Variants in CNTNAP5 observed in about 807,000 individuals in gnomAD.
The protein encoded by CNTNAP5 is contactin associated protein family member 5.
In CNTNAP5, 72 loss-of-function variants were observed where a neutral mutation model predicts 150.2. The ratio of observed to expected loss-of-function variants is 0.48; its 90% CI spans 0.40 to 0.58. The LOEUF is 0.58. Among genes scored for constraint, CNTNAP5 ranks in the 20% least tolerant of loss-of-function variants. The pLI, the probability that CNTNAP5 is intolerant of heterozygous loss-of-function variation, is 0.00. For missense variants in CNTNAP5, 1,636 were observed against 1,626.2 expected, an observed-to-expected ratio of 1.01 and a Z score of -0.10; for synonymous variants, 672 against 619.8, an observed-to-expected ratio of 1.08 and a Z score of -1.25.
intron 1 of CNTNAP5, among the ~76,000 whole-genome samples, chr2:124,091,457 C>T (rs1454736130): frequency 6.6e-6 from 1 of 152,124 alleles, no homozygotes; most frequent in Non-Finnish European, 1.5e-5. Context: ...GGCAAAGAAG[C>T]TTGCAGTCGT....
Position 124,807,533 on chromosome 2 carries a change from T to A in CNTNAP5, c.3217+9213T>A, listed in dbSNP as rs144257138. On this transcript the variant is annotated intron_variant, in intron 19 of 23. Transcript: ENST00000682447. ...CACACAATGACTATGGAGTCGGTACTAGTATTTCCCTATTTTACAGACAAG... is the reference window on the plus strand; with the variant it reads ...CACACAATGACTATGGAGTCGGTACAAGTATTTCCCTATTTTACAGACAAG... Among the ~76,000 whole-genome samples, 487 of 152,342 alleles carry A rather than the reference T, an allele frequency of 3.2e-3. 9 individuals carry two copies. Among genetic ancestry groups the A allele is most frequent in the Admixed American group, 0.029 (448 of 15,300 alleles).
chr2:124,490,894 A>T (rs1043361176), intron 7 of CNTNAP5, among the ~76,000 whole-genome samples: 5 of 152,132 alleles, frequency 3.3e-5, no homozygotes, highest in African/African-American at 1.2e-4. Flanking sequence ...TACTGCTACT[A>T]GAAAATTTTA....
At chr2:124,781,387 G>A (rs994605947) in intron 17 of CNTNAP5, among the ~76,000 whole-genome samples, 1 of 152,172 alleles carries the variant, frequency 6.6e-6, no homozygotes, top group South Asian at 2.1e-4. Flanking sequence ...TTTCTCTTAC[G>A]TTGTGTAAGT....
At chr2:124,450,556 CAAAAAAAAAA>C (rs11299541) in intron 6 of CNTNAP5, among the ~76,000 whole-genome samples, 2 of 65,000 alleles carry the variant, frequency 3.1e-5, no homozygotes, top group Admixed American at 1.9e-4. Context: ...AATCTGCTGT[CAAAAAAAAAA>C]AAAAAAAAAA....
At chr2:124,080,969 A>G (rs907607832) in intron 1 of CNTNAP5, among the ~76,000 whole-genome samples, 1 of 152,174 alleles carries the variant, frequency 6.6e-6, no homozygotes, top group African/African-American at 2.4e-5. Context: ...GATTCTAGTG[A>G]TAAGTAGTCA....
At chr2:124,339,077 T>A (rs1272960890) in intron 3 of CNTNAP5, among the ~76,000 whole-genome samples, 8 of 152,154 alleles carry the variant, frequency 5.3e-5, no homozygotes, top group Admixed American at 4.6e-4. Context: ...CTGAGTGCCT[T>A]ATGTTTTCTC....
chr2:124,653,216 G>A (rs573203709), intron 13 of CNTNAP5, among the ~76,000 whole-genome samples: 4 of 152,128 alleles, frequency 2.6e-5, no homozygotes, highest in Admixed American at 6.5e-5. Flanking sequence ...ACCTAGTCAT[G>A]TTACAATGGA....
At chr2:124,293,095 C>T (rs1264562213) in intron 3 of CNTNAP5, among the ~76,000 whole-genome samples, 2 of 151,168 alleles carry the variant, frequency 1.3e-5, no homozygotes, top group African/African-American at 4.9e-5. Context: ...TTTAAAAATC[C>T]CACCAATATA....
At chr2:124,361,966 G>A (rs1218874806) in intron 3 of CNTNAP5, among the ~76,000 whole-genome samples, 1 of 152,168 alleles carries the variant, frequency 6.6e-6, no homozygotes, top group African/African-American at 2.4e-5. Context: ...GCGAGACTTC[G>A]TGGGCGTAGG....
In CNTNAP5 at chr2:124,723,149, T is replaced by C. The variant is rs150262874; in HGVS notation, c.2078-24080T>C. ...GTTTCTTTTTGCTTGACAGTTGCTT[T>C]AATGTATCTCTTCCAATGACATTTT... On this transcript the variant is annotated intron_variant, in intron 13 of 23. Coordinates refer to ENST00000682447, the MANE Select transcript of CNTNAP5 (RefSeq NM_001367498.1). Among the ~76,000 whole-genome samples the C allele has an allele frequency of 2.4e-3, 372 of 152,324 alleles. 3 individuals are homozygous for C. The highest frequency in any genetic ancestry group is 8.4e-3 in the African/African-American group (349 of 41,568).
chr2:124,852,917 A>G (rs1683186616), intron 19 of CNTNAP5, among the ~76,000 whole-genome samples: 1 of 152,226 alleles, frequency 6.6e-6, no homozygotes, highest in African/African-American at 2.4e-5. Flanking sequence ...CTGAGCAGCC[A>G]GCACAGAGGG....
intron 1 of CNTNAP5, among the ~76,000 whole-genome samples, chr2:124,194,401 AT>A (rs1558795506): frequency 0.049 from 1,156 of 23,374 alleles, 16 homozygotes; most frequent in Middle Eastern, 0.19. Context: ...ATATATATAT[AT>A]ATATATATAA....
intron 2 of CNTNAP5, among the ~76,000 whole-genome samples, chr2:124,228,689 A>G (rs142663977): frequency 3.7e-4 from 56 of 152,294 alleles, no homozygotes; most frequent in Admixed American, 1.4e-3. Flanking sequence ...TTATGATTTC[A>G]AAGCTTTAGA....
At chr2:124,623,243 A>G (rs1236800274) in intron 12 of CNTNAP5, among the ~76,000 whole-genome samples, 5 of 152,156 alleles carry the variant, frequency 3.3e-5, no homozygotes, top group African/African-American at 2.4e-5. Context: ...AAAAATGCCC[A>G]TGTCTTCAGC....
At chr2:124,783,481 C>CT (rs1681497838) in intron 17 of CNTNAP5, among the ~76,000 whole-genome samples, 1 of 152,174 alleles carries the variant, frequency 6.6e-6, no homozygotes, top group African/African-American at 2.4e-5. Context: ...CCATTTTCAG[C>CT]TTTTTTCTTT....
chr2:124,641,819 GT>G (rs1003469491), intron 12 of CNTNAP5, among the ~76,000 whole-genome samples: 1 of 152,132 alleles, frequency 6.6e-6, no homozygotes, highest in Non-Finnish European at 1.5e-5. Context: ...AAAAATTGCA[GT>G]TTTTTTCTGG....
In CNTNAP5 at chr2:124,175,562, C is replaced by T. The variant is rs187477978; in HGVS notation, c.83-46143C>T. ...CATCACCCGGGTAGTGAGCATAGTACCCAATAGGTAGTTTTTCAGCCCTTG... is the reference window on the plus strand; with the variant it reads ...CATCACCCGGGTAGTGAGCATAGTATCCAATAGGTAGTTTTTCAGCCCTTG... On this transcript the variant is annotated intron_variant, in intron 1 of 23. Coordinates refer to ENST00000682447, the MANE Select transcript of CNTNAP5 (RefSeq NM_001367498.1). Among the ~76,000 whole-genome samples, 274 of 152,150 alleles carry T rather than the reference C, an allele frequency of 1.8e-3. 1 individual carries two copies. The highest frequency in any genetic ancestry group is 6.4e-3 in the African/African-American group (264 of 41,510).
chr2:124,461,471 G>T (rs1368471256), intron 6 of CNTNAP5, among the ~76,000 whole-genome samples: 2 of 133,592 alleles, frequency 1.5e-5, no homozygotes, highest in African/African-American at 5.7e-5. Flanking sequence ...GGTGGGAATT[G>T]AACAATGAGA....
chr2:124,554,178 T>A (rs920999528), intron 10 of CNTNAP5, among the ~76,000 whole-genome samples: 1 of 152,158 alleles, frequency 6.6e-6, no homozygotes, highest in Admixed American at 6.5e-5. Flanking sequence ...AAGGGACCTT[T>A]GGAAATGTTT....
Sources: gnomAD v4.1 joint callset for allele counts (sites outside exome capture counted in the v4.1 genomes callset) on GRCh38, gnomAD v4.1.1 for gene constraint, MANE v1.5 for transcripts, NCBI Gene and HGNC (gene_info 2026-07-23, HGNC 2026-07-21) for gene names.